Variants in EGFLAM observed in about 807,000 individuals in gnomAD.
The protein encoded by EGFLAM is pikachurin.
EGFLAM carries 79 observed loss-of-function variants against 113.1 expected under a neutral mutation model. The observed-to-expected ratio is 0.70, with a 90% CI of 0.58 to 0.84. The LOEUF is 0.84. Ranked by LOEUF, EGFLAM falls within the 40% of genes least tolerant of loss-of-function variation. The probability of loss-of-function intolerance (pLI) is 0.00; values close to 1 mark genes in which losing one functional copy is unlikely to be tolerated. For missense variants in EGFLAM, 1,265 were observed against 1,291.6 expected (o/e 0.98, Z 0.32); for synonymous variants, 504 against 487.6 (o/e 1.03, Z -0.44).
chr5:38,384,387 T>G lies in EGFLAM; in HGVS notation c.712+13925T>G, dbSNP rs528210173. On this transcript the variant is annotated intron_variant, in intron 6 of 21. Transcript: ENST00000322350. Reference sequence around the variant, plus strand: ...TCTTCTCTGTTGCAGAGACCCCACTTACATGCGTGGTTACACCGCTCCATT... The same window carrying G: ...TCTTCTCTGTTGCAGAGACCCCACTGACATGCGTGGTTACACCGCTCCATT... 1.1e-4 allele frequency among the ~76,000 whole-genome samples: 16 copies of G among 152,242 alleles called. No individual in the cohort carries two copies. The South Asian group carries it at 3.1e-3, about 30-fold the overall frequency.
rs568789247 is a variant in EGFLAM, at chr5:38,377,403, C to T, written c.712+6941C>T. On this transcript the variant is annotated intron_variant, in intron 6 of 21. Transcript: ENST00000322350. Reference sequence around the variant, plus strand: ...AGGTGATCCTCCTGCCTCCGCCTCCCAAAGTGCTGGGATTACAGGCGTGAG... The same window carrying T: ...AGGTGATCCTCCTGCCTCCGCCTCCTAAAGTGCTGGGATTACAGGCGTGAG... 2.6e-5 allele frequency among the ~76,000 whole-genome samples: 4 copies of T among 152,304 alleles called. No homozygotes were observed. The East Asian group carries it at 7.7e-4, about 29-fold the overall frequency.
intron 19 of EGFLAM, among the ~76,000 whole-genome samples, chr5:38,452,902 T>G (rs1214283872): frequency 6.6e-6 from 1 of 152,224 alleles, no homozygotes; most frequent in Non-Finnish European, 1.5e-5. Flanking sequence ...TTCTCCCCAC[T>G]CTTCTTACCA....
At chr5:38,402,384 TA>T (rs1363197597) in intron 6 of EGFLAM, among the ~76,000 whole-genome samples, 1 of 152,218 alleles carries the variant, frequency 6.6e-6, no homozygotes, top group Non-Finnish European at 1.5e-5. Context: ...CTCCACTTGG[TA>T]AAATGGAAGT....
intron 19 of EGFLAM, among the ~76,000 whole-genome samples, chr5:38,454,772 C>G (rs891053871): frequency 3.9e-5 from 6 of 152,070 alleles, no homozygotes; most frequent in Admixed American, 6.6e-5. Context: ...AAAATATAGT[C>G]CCAACTTTCA....
chr5:38,355,249 GC>G (rs558379479), intron 5 of EGFLAM, among the ~76,000 whole-genome samples: 80 of 152,274 alleles, frequency 5.3e-4, no homozygotes, highest in African/African-American at 1.7e-3. Flanking sequence ...TTCTCACATT[GC>G]CCATGAAAAA....
chr5:38,362,067 C>A (rs943382827), intron 5 of EGFLAM, among the ~76,000 whole-genome samples: 3 of 152,104 alleles, frequency 2.0e-5, no homozygotes, highest in Non-Finnish European at 2.9e-5. Flanking sequence ...TCTGACCTCA[C>A]CCACTACAGA....
chr5:38,284,396 C>T (rs1295832425), intron 1 of EGFLAM, among the ~76,000 whole-genome samples: 1 of 152,180 alleles, frequency 6.6e-6, no homozygotes, highest in Non-Finnish European at 1.5e-5. Context: ...TGCAACTACT[C>T]AGCTCCACCA....
chr5:38,412,623 G>T lies in EGFLAM; in HGVS notation c.1469G>T (p.Gly490Val). 1 of 1,614,070 alleles carries T rather than the reference G, an allele frequency of 6.2e-7. No individual in the cohort carries two copies. Among genetic ancestry groups the T allele is most frequent in the Non-Finnish European group, 8.5e-7 (1 of 1,180,026 alleles). The change falls in exon 11 of 22, where the codon GGC (glycine) becomes GTC (valine). Residue 490 changes from glycine (G) to valine (V), a missense_variant. Gly to Val is a moderately radical substitution (Grantham distance 109). Transcript: ENST00000322350. Reference protein sequence around the residue: ...GLNGLLQLNNGTPVTGQSQGQ... With the variant: ...GLNGLLQLNNVTPVTGQSQGQ... ...AACGGGCTGCTGCAGCTGAACAATGGCACCCCAGTGACAGGCCAGTCTCAG... is the reference window on the plus strand; with the variant it reads ...AACGGGCTGCTGCAGCTGAACAATGTCACCCCAGTGACAGGCCAGTCTCAG...
intron 1 of EGFLAM, among the ~76,000 whole-genome samples, chr5:38,325,929 A>G (rs980489443): frequency 6.6e-6 from 1 of 151,938 alleles, no homozygotes; most frequent in African/African-American, 2.4e-5. Context: ...TAATAATTAT[A>G]GAACTACATA....
At chr5:38,353,182 A>G (rs1739675921) in intron 5 of EGFLAM, among the ~76,000 whole-genome samples, 1 of 152,240 alleles carries the variant, frequency 6.6e-6, no homozygotes, top group Admixed American at 6.5e-5. Flanking sequence ...AATTCTTTAC[A>G]GATATTAAAG....
chr5:38,325,278 T>G (rs2111906288), intron 1 of EGFLAM, among the ~76,000 whole-genome samples: 1 of 152,326 alleles, frequency 6.6e-6, no homozygotes, highest in South Asian at 2.1e-4. Context: ...CCTCAGTTTC[T>G]TCATCTGTAA....
At chr5:38,448,508 A>G (rs1265206572) in intron 18 of EGFLAM, 129 bp downstream of exon 18, 8 of 911,622 alleles carry the variant, frequency 8.8e-6, no homozygotes, top group Non-Finnish European at 1.4e-5. Flanking sequence ...CCATGGCCTC[A>G]GGGGAAAAAC....
At chr5:38,442,390 A>G (rs1742574960) in intron 17 of EGFLAM, among the ~76,000 whole-genome samples, 1 of 147,510 alleles carries the variant, frequency 6.8e-6, no homozygotes, top group African/African-American at 2.5e-5. Flanking sequence ...TTAATACTAA[A>G]TATGAAATTT....
chr5:38,309,540 C>T (rs1758809698), intron 1 of EGFLAM, among the ~76,000 whole-genome samples: 2 of 152,178 alleles, frequency 1.3e-5, no homozygotes, highest in African/African-American at 2.4e-5. Context: ...GCTCTGCCCT[C>T]TCTCTCCTTT....
Position 38,258,731 on chromosome 5 carries a change from A to C in EGFLAM, c.-24A>C. 6.3e-7 allele frequency: 1 copy of C among 1,595,442 alleles called. No homozygotes were observed. Among genetic ancestry groups the C allele is most frequent in the South Asian group, 1.1e-5 (1 of 88,840 alleles). ...TCCGTGTGCGCCCGGGACTTGGTGAAACTTTGCAGGCGCCGGCTGCGAAAT... is the reference window on the plus strand; with the variant it reads ...TCCGTGTGCGCCCGGGACTTGGTGACACTTTGCAGGCGCCGGCTGCGAAAT... On this transcript the variant is annotated 5_prime_UTR_variant, in exon 1 of 22. Coordinates refer to ENST00000322350, the MANE Select transcript of EGFLAM (RefSeq NM_152403.4).
intron 3 of EGFLAM, among the ~76,000 whole-genome samples, chr5:38,342,961 C>G (rs765181398): frequency 1.3e-5 from 2 of 152,168 alleles, no homozygotes; most frequent in Non-Finnish European, 2.9e-5. Flanking sequence ...CGATGCACCA[C>G]CACCCTGCTT....
chr5:38,439,387 A>T (rs1023006743), intron 17 of EGFLAM, among the ~76,000 whole-genome samples: 7 of 133,890 alleles, frequency 5.2e-5, no homozygotes, highest in African/African-American at 9.0e-5. Flanking sequence ...CCAGGAACTT[A>T]AAAAAAAAAA....
At chr5:38,262,835 A>T (rs1172394277) in intron 1 of EGFLAM, among the ~76,000 whole-genome samples, 1 of 152,200 alleles carries the variant, frequency 6.6e-6, no homozygotes, top group East Asian at 1.9e-4. Flanking sequence ...ATTTCTCTTG[A>T]TAAACAGAAG....
At chr5:38,311,851 G>T (rs1490655725) in intron 1 of EGFLAM, among the ~76,000 whole-genome samples, 1 of 152,174 alleles carries the variant, frequency 6.6e-6, no homozygotes, top group East Asian at 1.9e-4. Flanking sequence ...GACAAACTGA[G>T]CAATGAGGCT....
Sources: allele counts gnomAD v4.1 joint callset (sites outside exome capture counted in the v4.1 genomes callset), GRCh38; gene constraint gnomAD v4.1.1; transcripts MANE v1.5; gene names NCBI Gene and HGNC (gene_info 2026-07-23, HGNC 2026-07-21).